Variants in GXYLT1 observed in about 807,000 individuals in gnomAD.
The protein encoded by GXYLT1 is glucoside xylosyltransferase 1, also known as glycosyltransferase 8 domain containing 3.
A neutral mutation model predicts 54.0 loss-of-function variants in GXYLT1; 29 were observed. The ratio of observed to expected loss-of-function variants is 0.54; its 90% CI spans 0.40 to 0.73. GXYLT1 has a LOEUF of 0.73. Among genes scored for constraint, GXYLT1 ranks in the 30% least tolerant of loss-of-function variants. The probability of loss-of-function intolerance (pLI) is 0.00; values close to 1 mark genes in which losing one functional copy is unlikely to be tolerated. For missense variants in GXYLT1, 490 were observed against 553.4 expected (o/e 0.89, Z 1.15); for synonymous variants, 176 against 204.1 (o/e 0.86, Z 1.17).
At chr12:42,134,213 AAAAG>A (rs1456101626) in intron 1 of GXYLT1, among the ~76,000 whole-genome samples, 4 of 152,216 alleles carry the variant, frequency 2.6e-5, no homozygotes, top group African/African-American at 7.2e-5. Flanking sequence ...AAAAGAAAAA[AAAAG>A]AGAGAGAGAA....
chr12:42,113,926 T>G (rs2065475495), intron 3 of GXYLT1, among the ~76,000 whole-genome samples: 1 of 151,830 alleles, frequency 6.6e-6, no homozygotes, highest in African/African-American at 2.4e-5. Context: ...TATAACAAAC[T>G]GTCTCTCAGA....
chr12:42,144,636 TA>T lies in GXYLT1; in HGVS notation c.10del (p.Tyr4ThrfsTer54). 6.9e-7 allele frequency: 1 copy of T among 1,457,708 alleles called. No homozygotes were observed. Among genetic ancestry groups the T allele is most frequent in the Non-Finnish European group, 9.1e-7 (1 of 1,103,040 alleles). The allele number at this position is 1,457,708 out of a possible 1,614,324, so 90.3% of individuals were successfully genotyped here. A position where few individuals can be genotyped will look rare whatever the true frequency, so the allele number is the denominator to read the frequency against. On this transcript the variant is annotated frameshift_variant, in exon 1 of 8. Transcript: ENST00000398675. LOFTEE classifies it high-confidence loss of function. ...CACACACAGCACCACGACGCGCAGG[TA>T]GCGCCGCATCGCCCCGGCCGCGCTC... is the stretch of plus-strand genomic sequence containing the variant. MRR[Y>X]LRVVVLCVAC...
intron 1 of GXYLT1, 29 bp downstream of exon 1, chr12:42,144,397 G>T: frequency 7.5e-7 from 1 of 1,334,296 alleles, no homozygotes; most frequent in Non-Finnish European, 9.7e-7. Context: ...CGCGCCCGCC[G>T]CGTCCCCCAC....
At chr12:42,102,069 T>G (rs1041322710) in intron 5 of GXYLT1, among the ~76,000 whole-genome samples, 1 of 152,226 alleles carries the variant, frequency 6.6e-6, no homozygotes, top group African/African-American at 2.4e-5. Context: ...GTTCTAATTT[T>G]ACAAAATTTA....
chr12:42,143,426 G>A (rs1241162743), intron 1 of GXYLT1, among the ~76,000 whole-genome samples: 1 of 152,116 alleles, frequency 6.6e-6, no homozygotes, highest in Non-Finnish European at 1.5e-5. Flanking sequence ...CTGCTCCTCT[G>A]CCCAAACTTT....
At position 42,109,626 on chromosome 12, in the gene GXYLT1, C is replaced by G; in HGVS notation, c.552G>C (p.Glu184Asp). ...AGAGTTTTTTCCACTCTGCTGCATT[C>G]TCACTTGGAAAGGTTATGGGGTATA... ...YTLYPITFPSENAAEWKKLFK... is the reference protein window; with the variant it reads ...YTLYPITFPSDNAAEWKKLFK... Residue 184 changes from glutamate (E) to aspartate (D), a missense_variant, in exon 4 of 8, where the codon GAG (glutamate) becomes GAC (aspartate). Coordinates refer to ENST00000398675, the MANE Select transcript of GXYLT1 (RefSeq NM_173601.2). 6.3e-7 allele frequency: 1 copy of G among 1,596,490 alleles called. No homozygotes were observed. Among genetic ancestry groups the G allele is most frequent in the Non-Finnish European group, 8.5e-7 (1 of 1,171,412 alleles).
At chr12:42,109,940 C>T (rs2065443083) in intron 3 of GXYLT1, among the ~76,000 whole-genome samples, 1 of 152,116 alleles carries the variant, frequency 6.6e-6, no homozygotes, top group East Asian at 1.9e-4. Context: ...GGTCCAACTC[C>T]CAAAATCAGA....
At chr12:42,107,187 A>G (rs770611136) in intron 4 of GXYLT1, among the ~76,000 whole-genome samples, 23 of 152,194 alleles carry the variant, frequency 1.5e-4, no homozygotes, top group Non-Finnish European at 2.2e-4. Flanking sequence ...ACATAATAGG[A>G]GCTTGATCCT....
At position 42,082,317 on chromosome 12, in the gene GXYLT1, T is replaced by TG. The variant is rs1249071226; in HGVS notation, c.*5468dup. ...TTCAGCTCTCAAATACTGATGACAA[T>TG]GCATGTGATGCATGCGTGCTCTGCT... On this transcript the variant is annotated 3_prime_UTR_variant, in exon 8 of 8. Coordinates refer to ENST00000398675, the MANE Select transcript of GXYLT1 (RefSeq NM_173601.2). 1 of 152,224 alleles carries TG rather than the reference T, an allele frequency of 6.6e-6. No individual in the cohort carries two copies. Among genetic ancestry groups the TG allele is most frequent in the Non-Finnish European group, 1.5e-5 (1 of 68,042 alleles). 9.4% of individuals were successfully genotyped at this position (152,224 alleles called of 1,614,324 possible).
intron 3 of GXYLT1, among the ~76,000 whole-genome samples, chr12:42,114,078 C>T (rs1265866350): frequency 1.3e-5 from 2 of 152,086 alleles, no homozygotes; most frequent in South Asian, 2.1e-4. Context: ...TCTTTGAAAC[C>T]AACCAGAACA....
At chr12:42,104,673 C>T (rs2065409259) in intron 5 of GXYLT1, among the ~76,000 whole-genome samples, 1 of 151,940 alleles carries the variant, frequency 6.6e-6, no homozygotes, top group South Asian at 2.1e-4. Context: ...AGTACTGCTG[C>T]CTATACCAAA....
At chr12:42,094,909 T>C (rs1360023513) in intron 7 of GXYLT1, among the ~76,000 whole-genome samples, 1 of 152,210 alleles carries the variant, frequency 6.6e-6, no homozygotes, top group Non-Finnish European at 1.5e-5. Context: ...TACTGAATTA[T>C]ATATTTGAAA....
intron 7 of GXYLT1, among the ~76,000 whole-genome samples, chr12:42,088,225 C>A (rs1390472766): frequency 6.6e-6 from 1 of 151,712 alleles, no homozygotes; most frequent in Non-Finnish European, 1.5e-5. Flanking sequence ...AACCAAAAGC[C>A]CTACGAGTAT....
At chr12:42,120,255 T>G (rs764628012) in intron 2 of GXYLT1, among the ~76,000 whole-genome samples, 1 of 152,220 alleles carries the variant, frequency 6.6e-6, no homozygotes, top group East Asian at 1.9e-4. Flanking sequence ...AATGTTTCAG[T>G]ATTACATTCA....
intron 5 of GXYLT1, 120 bp from the exon 6 acceptor site, chr12:42,098,153 C>T (rs2065367844): frequency 1.1e-5 from 9 of 843,000 alleles, no homozygotes; most frequent in Non-Finnish European, 1.5e-5. Flanking sequence ...ATGCAAACTC[C>T]TCACAATATC....
Position 42,116,220 on chromosome 12 carries a change from G to A in GXYLT1, c.486+2780C>T, listed in dbSNP as rs1170469378. Among the ~76,000 whole-genome samples the A allele has an allele frequency of 2.6e-5, 4 of 152,036 alleles. No homozygotes were observed. The South Asian group carries it at 6.2e-4, about 24-fold the overall frequency. On this transcript the variant is annotated intron_variant, in intron 3 of 7. Transcript: ENST00000398675. ...AATACCATTCAGGACATAGGCATGG[G>A]CAAGGACTTCATGTCTAAAACACCA...
chr12:42,098,784 T>TATATAAAA (rs1017764424), intron 5 of GXYLT1, among the ~76,000 whole-genome samples: 173 of 134,414 alleles, frequency 1.3e-3, no homozygotes, highest in African/African-American at 4.6e-3. Context: ...TATATATATA[T>TATATAAAA]AATACATGTG....
At chr12:42,090,048 GTTTC>G (rs2065320773) in intron 7 of GXYLT1, among the ~76,000 whole-genome samples, 1 of 151,776 alleles carries the variant, frequency 6.6e-6, no homozygotes, top group South Asian at 2.1e-4. Flanking sequence ...TCGAGATTAA[GTTTC>G]TTTGTTTTCA....
intron 3 of GXYLT1, among the ~76,000 whole-genome samples, chr12:42,117,576 A>C (rs1191544833): frequency 6.6e-6 from 1 of 152,208 alleles, no homozygotes; most frequent in East Asian, 1.9e-4. Flanking sequence ...AAGCATAAAA[A>C]TCCAAATGAA....
Sources: allele counts gnomAD v4.1 joint callset (sites outside exome capture counted in the v4.1 genomes callset), GRCh38; gene constraint gnomAD v4.1.1; transcripts MANE v1.5; gene names NCBI Gene and HGNC (gene_info 2026-07-23, HGNC 2026-07-21).